Variants in RBFOX1 observed in about 807,000 individuals in gnomAD.
RBFOX1 encodes the protein RNA binding protein fox-1 homolog 1.
RBFOX1 carries 8 observed loss-of-function variants against 57.7 expected under a neutral mutation model. That is an observed-to-expected ratio of 0.14 (90% CI 0.08 to 0.25). The LOEUF is 0.25. RBFOX1 is among the 10% of genes least tolerant of loss of function. The probability of loss-of-function intolerance (pLI) is 1.00; values close to 1 mark genes in which losing one functional copy is unlikely to be tolerated. For missense variants in RBFOX1, 611 were observed against 548.5 expected (o/e 1.11, Z -1.14); for synonymous variants, 326 against 222.4 (o/e 1.47, Z -4.15).
At chr16:6,111,828 A>G (rs2096450036) in intron 1 of RBFOX1, among the ~76,000 whole-genome samples, 1 of 152,224 alleles carries the variant, frequency 6.6e-6, no homozygotes, top group African/African-American at 2.4e-5. Context: ...AATCAGTACC[A>G]TCTAAACTCT....
chr16:7,599,027 C>T (rs2094866566), intron 9 of RBFOX1, among the ~76,000 whole-genome samples: 1 of 152,184 alleles, frequency 6.6e-6, no homozygotes, highest in Non-Finnish European at 1.5e-5. Context: ...TATAATAGGG[C>T]TCTAAGTTGA....
intron 4 of RBFOX1, among the ~76,000 whole-genome samples, chr16:7,145,004 CGTT>C (rs900945508): frequency 5.3e-5 from 8 of 152,130 alleles, no homozygotes; most frequent in African/African-American, 9.6e-5. Context: ...GGTCAGCTGA[CGTT>C]GTTTTTTAAA....
intron 4 of RBFOX1, among the ~76,000 whole-genome samples, chr16:7,194,760 TCTACAAAAA>T (rs142206463): frequency 0.18 from 27,151 of 151,614 alleles, 2,602 homozygotes; most frequent in East Asian, 0.37. Flanking sequence ...AAACCTCATC[TCTACAAAAA>T]CTACAAAAAT....
In RBFOX1 at chr16:5,996,417, A is replaced by G. The variant is rs77348755; in HGVS notation, c.351+129082A>G. On this transcript the variant is annotated intron_variant, in intron 4 of 19. Coordinates refer to the RBFOX1 transcript ENST00000641259. ...TTACATATTCAGAACTGGCTTTGCA[A>G]TCTGGTTGGAGGAGTTCACGGAGGT... 1.7e-3 allele frequency among the ~76,000 whole-genome samples: 252 copies of G among 151,406 alleles called. 1 individual carries two copies. The highest frequency in any genetic ancestry group is 5.4e-3 in the African/African-American group (224 of 41,202).
intron 4 of RBFOX1, among the ~76,000 whole-genome samples, chr16:6,013,488 A>T (rs1177628893): frequency 6.6e-6 from 1 of 152,082 alleles, no homozygotes; most frequent in Non-Finnish European, 1.5e-5. Context: ...TGAATCATTG[A>T]CATGATTCTA....
intron 1 of RBFOX1, among the ~76,000 whole-genome samples, chr16:6,210,345 C>CAAAAAAAAAAAAAAAAAAAAAAAAAA (rs770814967): frequency 3.8e-5 from 1 of 26,020 alleles, no homozygotes; most frequent in Non-Finnish European, 6.6e-5. Context: ...AACAAAAAAA[C>CAAAAAAAAAAAAAAAAAAAAAAAAAA]AAAAAAAAAA....
chr16:7,525,172 A>G (rs2078416301), intron 5 of RBFOX1, among the ~76,000 whole-genome samples: 1 of 152,092 alleles, frequency 6.6e-6, no homozygotes, highest in African/African-American at 2.4e-5. Context: ...TTTATATCTT[A>G]TAAGTACTCA....
chr16:6,800,573 C>G (rs554140609), intron 3 of RBFOX1, among the ~76,000 whole-genome samples: 17 of 151,938 alleles, frequency 1.1e-4, no homozygotes, highest in South Asian at 2.1e-4. Flanking sequence ...CTAGAGGGCC[C>G]GGTAATCACC....
chr16:5,674,819 G>A (rs2050116929), intron 3 of RBFOX1, among the ~76,000 whole-genome samples: 1 of 152,134 alleles, frequency 6.6e-6, no homozygotes, highest in Non-Finnish European at 1.5e-5. Flanking sequence ...ATATAATGCT[G>A]GTCTGGCGCA....
chr16:7,660,179 A>G (rs78326976), intron 12 of RBFOX1, among the ~76,000 whole-genome samples: 1 of 152,160 alleles, frequency 6.6e-6, no homozygotes, highest in African/African-American at 2.4e-5. Context: ...TCTGTAGTGC[A>G]GTCACTCCCT....
intron 12 of RBFOX1, among the ~76,000 whole-genome samples, chr16:7,657,652 A>G (rs925961388): frequency 1.3e-5 from 2 of 152,194 alleles, no homozygotes; most frequent in African/African-American, 4.8e-5. Flanking sequence ...CCATGTCTTG[A>G]TATTTTCTGA....
chr16:6,647,034 T>A (rs528715239), intron 2 of RBFOX1, among the ~76,000 whole-genome samples: 1 of 152,294 alleles, frequency 6.6e-6, no homozygotes, highest in African/African-American at 2.4e-5. Context: ...ACAGAACATT[T>A]ACTTTGTCAT....
At chr16:7,396,056 T>C (rs1242586714) in intron 4 of RBFOX1, among the ~76,000 whole-genome samples, 1 of 152,122 alleles carries the variant, frequency 6.6e-6, no homozygotes, top group Non-Finnish European at 1.5e-5. Context: ...AATTCATGAA[T>C]GGTGGGTTCT....
chr16:6,496,341 T>C (rs991162801), intron 2 of RBFOX1, among the ~76,000 whole-genome samples: 7 of 152,222 alleles, frequency 4.6e-5, no homozygotes, highest in African/African-American at 1.4e-4. Context: ...GCTTCAACTT[T>C]TTCCTTTTCA....
At chr16:5,419,071 G>C (rs770126172) in intron 1 of RBFOX1, among the ~76,000 whole-genome samples, 18 of 152,188 alleles carry the variant, frequency 1.2e-4, no homozygotes, top group Non-Finnish European at 2.2e-4. Context: ...TGACAGACCA[G>C]CTTACCTGAG....
intron 1 of RBFOX1, 71 bp from the exon 2 acceptor site, chr16:6,316,924 C>CA: frequency 2.2e-6 from 3 of 1,372,648 alleles, no homozygotes; most frequent in Non-Finnish European, 3.0e-6. Flanking sequence ...ATTACTATGA[C>CA]AAAAAAAGTG....
chr16:7,020,214 C>G (rs1324391481), intron 3 of RBFOX1, among the ~76,000 whole-genome samples: 1 of 151,612 alleles, frequency 6.6e-6, no homozygotes, highest in African/African-American at 2.4e-5. Flanking sequence ...TTCTTTGTTT[C>G]TTTGTTTCTT....
At chr16:6,660,251 T>G (rs1196683241) in intron 3 of RBFOX1, among the ~76,000 whole-genome samples, 1 of 151,210 alleles carries the variant, frequency 6.6e-6, no homozygotes, top group Non-Finnish European at 1.5e-5. Context: ...AGCAAGAAAT[T>G]CTTGCTTAAA....
At chr16:7,300,922 G>A (rs2096014838) in intron 4 of RBFOX1, among the ~76,000 whole-genome samples, 1 of 152,118 alleles carries the variant, frequency 6.6e-6, no homozygotes, top group Admixed American at 6.5e-5. Context: ...AGGCAGGGTG[G>A]CCCTTGAATG....
Sources: gnomAD v4.1 joint callset for allele counts (sites outside exome capture counted in the v4.1 genomes callset) on GRCh38, gnomAD v4.1.1 for gene constraint, MANE v1.5 for transcripts, NCBI Gene and HGNC (gene_info 2026-07-23, HGNC 2026-07-21) for gene names.